Variants in CNTNAP2 observed in about 807,000 individuals in gnomAD.
CNTNAP2 encodes the protein contactin-associated protein-like 2.
A neutral mutation model predicts 155.2 loss-of-function variants in CNTNAP2; 98 were observed. The ratio of observed to expected loss-of-function variants is 0.63; its 90% CI spans 0.54 to 0.75. CNTNAP2 has a LOEUF of 0.75. Ranked by LOEUF, CNTNAP2 falls within the 30% of genes least tolerant of loss-of-function variation. The pLI is 0.00. For missense variants in CNTNAP2, 1,727 were observed against 1,688.1 expected (o/e 1.02, Z -0.40); for synonymous variants, 651 against 631.2 (o/e 1.03, Z -0.47).
intron 13 of CNTNAP2, among the ~76,000 whole-genome samples, chr7:147,817,764 G>T (rs1657476118): frequency 6.6e-6 from 1 of 151,984 alleles, no homozygotes; most frequent in South Asian, 2.1e-4. Flanking sequence ...AATTAGCCGG[G>T]CATGATGGTG....
At chr7:147,272,664 A>ATTTTTTTTTTTTTTTTTTTTT (rs71182188) in intron 8 of CNTNAP2, among the ~76,000 whole-genome samples, 3 of 138,972 alleles carry the variant, frequency 2.2e-5, no homozygotes, top group South Asian at 2.3e-4. Flanking sequence ...CGCCCGGCTA[A>ATTTTTTTTTTTTTTTTTTTTT]TTTTTTTTTT....
At chr7:146,388,985 T>C (rs1795501433) in intron 1 of CNTNAP2, among the ~76,000 whole-genome samples, 1 of 152,140 alleles carries the variant, frequency 6.6e-6, no homozygotes, top group Non-Finnish European at 1.5e-5. Flanking sequence ...ATACAGGGGA[T>C]CCTGACTTCA....
intron 13 of CNTNAP2, among the ~76,000 whole-genome samples, chr7:147,849,280 A>T (rs1378667857): frequency 2.0e-5 from 3 of 152,240 alleles, no homozygotes; most frequent in African/African-American, 7.2e-5. Flanking sequence ...AATAAACACG[A>T]TTATGAATGT....
chr7:147,647,147 C>T (rs1795378902), intron 13 of CNTNAP2, among the ~76,000 whole-genome samples: 1 of 151,702 alleles, frequency 6.6e-6, no homozygotes, highest in Admixed American at 6.6e-5. Flanking sequence ...GCTGCCACGC[C>T]CAGCTAATTT....
At chr7:147,491,540 C>T (rs979867838) in intron 11 of CNTNAP2, among the ~76,000 whole-genome samples, 1 of 152,160 alleles carries the variant, frequency 6.6e-6, no homozygotes, top group Non-Finnish European at 1.5e-5. Context: ...TATCTTTCTC[C>T]TCCACTGGTC....
chr7:147,398,589 C>CTTTTTTTTTTTTTTTTTTTTTTTTT (rs58507416), intron 10 of CNTNAP2, among the ~76,000 whole-genome samples: 1 of 87,734 alleles, frequency 1.1e-5, no homozygotes, highest in African/African-American at 4.5e-5. Flanking sequence ...ACGATTTGAA[C>CTTTTTTTTTTTTTTTTTTTTTTTTT]TTTTTTTTTT....
chr7:146,660,585 C>A (rs1295164551), intron 1 of CNTNAP2, among the ~76,000 whole-genome samples: 1 of 152,174 alleles, frequency 6.6e-6, no homozygotes, highest in Non-Finnish European at 1.5e-5. Context: ...CTACTTCACA[C>A]TGTTGTTACA....
At chr7:146,832,591 C>T (rs1803534533) in intron 2 of CNTNAP2, among the ~76,000 whole-genome samples, 2 of 146,270 alleles carry the variant, frequency 1.4e-5, no homozygotes, top group South Asian at 4.2e-4. Context: ...ATATTAACTT[C>T]AATATATTTA....
At chr7:146,265,341 G>A (rs1315062286) in intron 1 of CNTNAP2, among the ~76,000 whole-genome samples, 1 of 152,022 alleles carries the variant, frequency 6.6e-6, no homozygotes, top group Non-Finnish European at 1.5e-5. Flanking sequence ...GTGGATTTGT[G>A]ACAAGATAAT....
intron 1 of CNTNAP2, among the ~76,000 whole-genome samples, chr7:146,518,207 TATC>T (rs1424772569): frequency 6.6e-6 from 1 of 151,922 alleles, no homozygotes; most frequent in East Asian, 1.9e-4. Flanking sequence ...AATTGAACGT[TATC>T]ATTTCATGGG....
chr7:146,496,004 T>C (rs1271516043), intron 1 of CNTNAP2, among the ~76,000 whole-genome samples: 2 of 152,156 alleles, frequency 1.3e-5, no homozygotes, highest in Non-Finnish European at 2.9e-5. Flanking sequence ...CTACTTCTTA[T>C]ATTTGCTGGG....
chr7:147,446,572 C>A (rs184982324), intron 10 of CNTNAP2, among the ~76,000 whole-genome samples: 4 of 152,080 alleles, frequency 2.6e-5, no homozygotes, highest in South Asian at 4.2e-4. Flanking sequence ...ACCACGACTG[C>A]GAGAGGACCT....
intron 3 of CNTNAP2, among the ~76,000 whole-genome samples, chr7:146,955,070 T>A (rs12703863): frequency 6.6e-6 from 1 of 151,738 alleles, no homozygotes; most frequent in African/African-American, 2.4e-5. Context: ...TTATTTGGCA[T>A]TGGATAGTGT....
chr7:147,817,601 A>C (rs1182839902), intron 13 of CNTNAP2, among the ~76,000 whole-genome samples: 1 of 152,068 alleles, frequency 6.6e-6, no homozygotes, highest in African/African-American at 2.4e-5. Context: ...TTATGGGAAA[A>C]AATTTAAAAA....
intron 8 of CNTNAP2, among the ~76,000 whole-genome samples, chr7:147,213,090 A>T (rs1443332480): frequency 2.0e-5 from 3 of 152,136 alleles, no homozygotes; most frequent in Admixed American, 1.3e-4. Context: ...TCATGCAATA[A>T]TGGATACTGA....
chr7:146,483,402 A>G (rs1797008496), intron 1 of CNTNAP2, among the ~76,000 whole-genome samples: 1 of 146,390 alleles, frequency 6.8e-6, no homozygotes, highest in Admixed American at 7.0e-5. Context: ...TCATTGTTAC[A>G]TAATTTTACA....
rs139616719 is a variant in CNTNAP2, at chr7:147,233,566, A to C, written c.1349-66575A>C. 2.1e-3 allele frequency among the ~76,000 whole-genome samples: 294 copies of C among 142,210 alleles called. 3 individuals are homozygous for C. The East Asian group carries it at 0.039, about 19-fold the overall frequency. The allele number at this position is 142,210 out of a possible 152,430, so 93.3% of individuals were successfully genotyped here. On this transcript the variant is annotated intron_variant, in intron 8 of 23. Coordinates refer to ENST00000361727, the MANE Select transcript of CNTNAP2 (RefSeq NM_014141.6). Reference sequence around the variant, plus strand: ...AAGTATTGTGGTGTGAGAACCATAAAATTTTGACCAAAAAAGCAAAAAAAA... The same window carrying C: ...AAGTATTGTGGTGTGAGAACCATAACATTTTGACCAAAAAAGCAAAAAAAA...
At chr7:147,934,783 C>G (rs1222209928) in intron 14 of CNTNAP2, among the ~76,000 whole-genome samples, 1 of 152,176 alleles carries the variant, frequency 6.6e-6, no homozygotes, top group African/African-American at 2.4e-5. Flanking sequence ...GTAGATAACT[C>G]ATATACAGAG....
chr7:146,374,569 G>A (rs1407758582), intron 1 of CNTNAP2, among the ~76,000 whole-genome samples: 3 of 152,322 alleles, frequency 2.0e-5, no homozygotes, highest in Non-Finnish European at 2.9e-5. Context: ...AGCTGAATAA[G>A]TGTGTAACTG....
Sources: gnomAD v4.1 joint callset for allele counts (sites outside exome capture counted in the v4.1 genomes callset) on GRCh38, gnomAD v4.1.1 for gene constraint, MANE v1.5 for transcripts, NCBI Gene and HGNC (gene_info 2026-07-23, HGNC 2026-07-21) for gene names.